The following ZNF175 variants were observed in gnomAD, a reference collection of about 807,000 sequenced individuals.
The protein encoded by ZNF175 is zinc finger protein 175, also known as zinc finger protein OTK18.
Under a neutral mutation model 14.0 loss-of-function variants are expected in ZNF175, and 8 were observed. That is an observed-to-expected ratio of 0.57 (90% CI 0.34 to 1.03). The LOEUF is 1.03. Among genes scored for constraint, ZNF175 ranks in the 50% least tolerant of loss-of-function variants. The pLI, the probability that ZNF175 is intolerant of heterozygous loss-of-function variation, is 0.03. For missense variants in ZNF175, 764 were observed against 849.5 expected, an observed-to-expected ratio of 0.90 and a Z score of 1.25; for synonymous variants, 255 against 296.8, an observed-to-expected ratio of 0.86 and a Z score of 1.45.
intron 2 of ZNF175, among the ~76,000 whole-genome samples, chr19:51,577,853 T>G (rs374825566): frequency 6.6e-6 from 1 of 151,370 alleles, no homozygotes; most frequent in Non-Finnish European, 1.5e-5. Flanking sequence ...TTAGTAGAGA[T>G]GGGGTTTCAC....
At chr19:51,575,131 A>G (rs1348898828) in intron 2 of ZNF175, among the ~76,000 whole-genome samples, 1 of 144,986 alleles carries the variant, frequency 6.9e-6, no homozygotes, top group Non-Finnish European at 1.5e-5. Flanking sequence ...TTGGTCAATT[A>G]CTTGTCTTTA....
chr19:51,572,840 G>A (rs73050815), intron 1 of ZNF175, among the ~76,000 whole-genome samples: 22,594 of 152,206 alleles, frequency 0.15, 1,981 homozygotes, highest in Middle Eastern at 0.27. Flanking sequence ...GGCAGGCACT[G>A]AGGACTTGAC....
intron 2 of ZNF175, among the ~76,000 whole-genome samples, chr19:51,578,164 C>T (rs1351799467): frequency 2.0e-5 from 3 of 151,732 alleles, no homozygotes; most frequent in African/African-American, 4.8e-5. Flanking sequence ...TTTGGGAGGC[C>T]GAGGCGGGCT....
In ZNF175 at chr19:51,588,852, A is replaced by G. The variant is rs981930745; in HGVS notation, c.*385A>G. The G allele has an allele frequency of 5.0e-6, 2 of 403,466 alleles. No individual in the cohort carries two copies. The highest frequency in any genetic ancestry group is 4.1e-5 in the African/African-American group (2 of 48,578). 25.0% of individuals were successfully genotyped at this position (403,466 alleles called of 1,614,324 possible). ...CAATGATAACCCTGTTTATTGTGGG[A>G]TATCAATATTTTTAAAGTGCCAACA... is the stretch of plus-strand genomic sequence containing the variant. On this transcript the variant is annotated 3_prime_UTR_variant, in exon 5 of 5. Coordinates refer to ENST00000262259, the MANE Select transcript of ZNF175 (RefSeq NM_007147.4).
intron 4 of ZNF175, among the ~76,000 whole-genome samples, chr19:51,583,477 TC>T (rs1470998822): frequency 6.6e-6 from 1 of 152,182 alleles, no homozygotes; most frequent in Non-Finnish European, 1.5e-5. Context: ...TACCAGTTTT[TC>T]TTGTTTTAAT....
rs775710972 is a variant in ZNF175 at position 51,587,634 on chromosome 19, A to G, written c.1303A>G (p.Ser435Gly). 4.2e-5 allele frequency: 68 copies of G among 1,614,010 alleles called. No homozygotes were observed. The highest frequency in any genetic ancestry group is 1.7e-6 in the Non-Finnish European group (2 of 1,180,040). The stretch of plus-strand genomic sequence containing the variant: ...AGCCTTTACCCAGAAGTCAACACTC[A>G]GCTTGCACCAGAGAATCCACTCAGG... ...GKAFTQKSTLSLHQRIHSGQK... is the reference protein window; with the variant it reads ...GKAFTQKSTLGLHQRIHSGQK... The change falls in exon 5 of 5, where the codon AGC becomes GGC. Residue 435 changes from serine to glycine, a missense_variant. Ser to Gly is a moderately conservative substitution (Grantham distance 56). Transcript: ENST00000262259.
chr19:51,576,777 G>C (rs1245292130), intron 2 of ZNF175, among the ~76,000 whole-genome samples: 6 of 129,268 alleles, frequency 4.6e-5, no homozygotes, highest in Non-Finnish European at 1.0e-4. Context: ...CCAGTTCCTT[G>C]TGTCTTGAAT....
intron 2 of ZNF175, 100 bp downstream of exon 2, chr19:51,573,501 C>T (rs1472543503): frequency 1.7e-6 from 2 of 1,186,608 alleles, no homozygotes; most frequent in Non-Finnish European, 2.4e-6. Flanking sequence ...TCTTGAGCCT[C>T]CTGTCAAGCG....
At chr19:51,576,914 T>C (rs1029321093) in intron 2 of ZNF175, among the ~76,000 whole-genome samples, 1 of 152,230 alleles carries the variant, frequency 6.6e-6, no homozygotes, top group South Asian at 2.1e-4. Flanking sequence ...TATCTGAACA[T>C]GTCTGTTCAG....
rs781255970 is a variant in ZNF175, at chr19:51,587,353, G to A, written c.1022G>A (p.Gly341Glu). The A allele has an allele frequency of 6.2e-7, 1 of 1,614,088 alleles. No homozygotes were observed. The highest frequency in any genetic ancestry group is 2.2e-5 in the East Asian group (1 of 44,884). Residue 341 changes from glycine (G) to glutamate (E), a missense_variant, in exon 5 of 5, where the codon GGG (glycine) becomes GAG (glutamate). Physicochemically the swap from Gly to Glu is moderately conservative, Grantham distance 98. Transcript: ENST00000262259. ...ATACCCTGTATATGCAAGGAATGTG[G>A]GAAGGTCTTTATTCAGAGATCAGAA... ...GDIPCICKEC[G>E]KVFIQRSELL... is the part of the protein sequence containing the mutation.
intron 3 of ZNF175, 68 bp downstream of exon 3, chr19:51,581,585 G>C: frequency 6.4e-7 from 1 of 1,564,248 alleles, no homozygotes; most frequent in South Asian, 1.2e-5. Flanking sequence ...CCTCATTGCA[G>C]AACGCAGTGG....
chr19:51,587,280 A>G lies in ZNF175; in HGVS notation c.949A>G (p.Met317Val). The G allele has an allele frequency of 6.2e-7, 1 of 1,614,218 alleles. No individual in the cohort carries two copies. Among genetic ancestry groups the G allele is most frequent in the Non-Finnish European group, 8.5e-7 (1 of 1,180,032 alleles). The stretch of plus-strand genomic sequence containing the variant: ...ATGTGGCAAATGTGGAAAAGCCTTC[A>G]TGCCACAACTAAAACTCAGTGTATA... ...HECGKCGKAF[M>V]PQLKLSVYLT... Residue 317 changes from methionine to valine, a missense_variant, in exon 5 of 5, where the codon ATG (methionine) becomes GTG (valine). Met to Val is a conservative substitution (Grantham distance 21). Coordinates refer to ENST00000262259, the MANE Select transcript of ZNF175 (RefSeq NM_007147.4).
At position 51,587,814 on chromosome 19, in the gene ZNF175, C is replaced by G. The variant is rs200191886; in HGVS notation, c.1483C>G (p.Arg495Gly). Residue 495 changes from arginine to glycine, a missense_variant, in exon 5 of 5, where the codon CGA becomes GGA. Coordinates refer to ENST00000262259, the MANE Select transcript of ZNF175 (RefSeq NM_007147.4). ...ISKSQLDIHH[R>G]IHTGEKPYEC... ...CAAGTCACAGCTTGATATACATCAT[C>G]GAATTCATACAGGGGAGAAACCTTA... The G allele has an allele frequency of 6.2e-7, 1 of 1,614,032 alleles. No homozygotes were observed. Among genetic ancestry groups the G allele is most frequent in the South Asian group, 1.1e-5 (1 of 91,072 alleles).
intron 4 of ZNF175, among the ~76,000 whole-genome samples, chr19:51,585,844 T>C (rs1475757535): frequency 6.6e-6 from 1 of 152,192 alleles, no homozygotes; most frequent in Non-Finnish European, 1.5e-5. Context: ...TTAATTTCAA[T>C]GGAACAAGGG....
rs1000455032 is a variant in ZNF175, at chr19:51,573,443, G to A, written c.72+42G>A. 9.4e-6 allele frequency: 15 copies of A among 1,602,536 alleles called. No individual in the cohort carries two copies. The African/African-American group carries it at 1.7e-4, about 19-fold the overall frequency. The stretch of plus-strand genomic sequence containing the variant: ...CTGGGGATAGTTCTCCAGAACGTGA[G>A]GGCAGACACAGGATGCAGCAGGTCT... On this transcript the variant is annotated intron_variant, in intron 2 of 4. Transcript: ENST00000262259.
At position 51,573,401 on chromosome 19, in the gene ZNF175, G is replaced by T. The variant is rs770735616; in HGVS notation, c.72G>T (p.Glu24Asp). Residue 24 changes from glutamate to aspartate, a missense_variant and splice_region_variant, in exon 2 of 5, where the codon GAG becomes GAT. Glu to Asp is a conservative substitution (Grantham distance 45, BLOSUM62 2). Coordinates refer to ENST00000262259, the MANE Select transcript of ZNF175 (RefSeq NM_007147.4). ...CAGAGAAGCAGGATGGATCTTGCGA[G>T]GTAAACAGGGGCAGCCCTGGGGATA... is the stretch of plus-strand genomic sequence containing the variant. Reference protein sequence around the residue: ...LGPEKQDGSCEASVSFEDVTV... With the variant: ...LGPEKQDGSCDASVSFEDVTV... 1 of 1,612,650 alleles carries T rather than the reference G, an allele frequency of 6.2e-7. No individual in the cohort carries two copies. Among genetic ancestry groups the T allele is most frequent in the South Asian group, 1.1e-5 (1 of 90,864 alleles).
At position 51,581,294 on chromosome 19, in the gene ZNF175, G is replaced by A. The variant is rs111902468; in HGVS notation, c.73-97G>A. On this transcript the variant is annotated intron_variant, in intron 2 of 4. Coordinates refer to ENST00000262259, the MANE Select transcript of ZNF175 (RefSeq NM_007147.4). ...TGGTGGGAAGCCTCTGTGATGGATC[G>A]TGGTGAAAATCATTAAAAGCATGTT... is the stretch of plus-strand genomic sequence containing the variant. The A allele has an allele frequency of 3.9e-5, 61 of 1,565,478 alleles. 1 individual carries two copies. Among genetic ancestry groups the A allele is most frequent in the African/African-American group, 1.9e-4 (14 of 73,914 alleles).
chr19:51,582,019 T>C (rs539325510), intron 4 of ZNF175, 137 bp downstream of exon 4: 4 of 761,158 alleles, frequency 5.3e-6, no homozygotes, highest in Admixed American at 5.2e-5. Flanking sequence ...CATCAAACAC[T>C]GTAAATGTGC....
intron 4 of ZNF175, among the ~76,000 whole-genome samples, chr19:51,584,559 C>T (rs1982108679): frequency 6.6e-6 from 1 of 152,098 alleles, no homozygotes; most frequent in Non-Finnish European, 1.5e-5. Context: ...TTTCAGATCG[C>T]TGCCTGGGGA....
Sources: gnomAD v4.1 joint callset for allele counts (sites outside exome capture counted in the v4.1 genomes callset) on GRCh38, gnomAD v4.1.1 for gene constraint, MANE v1.5 for transcripts, NCBI Gene and HGNC (gene_info 2026-07-23, HGNC 2026-07-21) for gene names.